LRRK2: variants seen among roughly 807,000 people sequenced by gnomAD.
The protein encoded by LRRK2 is leucine-rich repeat serine/threonine-protein kinase 2.
Under a neutral mutation model 302.6 loss-of-function variants are expected in LRRK2, and 203 were observed. The observed-to-expected ratio is 0.67, with a 90% confidence interval of 0.60 to 0.75. The LOEUF (loss-of-function observed/expected upper bound fraction) is 0.75. Among genes scored for constraint, LRRK2 ranks in the 30% least tolerant of loss-of-function variants. LRRK2 has a pLI of 0.00. For missense variants in LRRK2, 2,830 were observed against 2,951.0 expected (o/e 0.96, Z 0.95); for synonymous variants, 1,066 against 1,031.9 (o/e 1.03, Z -0.63).
rs1223884010 is a variant in LRRK2 at position 40,278,151 on chromosome 12, G to T, written c.2131G>T (p.Val711Leu). 2.5e-6 allele frequency: 4 copies of T among 1,613,992 alleles called. No homozygotes were observed. Among genetic ancestry groups the T allele is most frequent in the African/African-American group, 1.3e-5 (1 of 74,918 alleles). The change falls in exon 18 of 51, where the codon GTG becomes TTG. Residue 711 changes from valine (V) to leucine (L), a missense_variant. This residue lies in a region of LRRK2 where 2,121 missense variants were observed against 2,148.0 expected (regional missense o/e 0.99). Transcript: ENST00000298910. ...AGCTATGGATGATTACTTAAAAAATGTGATGCTAGAGAGAGCGTGTGATCA... is the reference window on the plus strand; with the variant it reads ...AGCTATGGATGATTACTTAAAAAATTTGATGCTAGAGAGAGCGTGTGATCA... Reference protein sequence around the residue: ...KVAMDDYLKNVMLERACDQNN... With the variant: ...KVAMDDYLKNLMLERACDQNN...
At chr12:40,305,175 C>G (rs1342875287) in intron 27 of LRRK2, among the ~76,000 whole-genome samples, 1 of 152,032 alleles carries the variant, frequency 6.6e-6, no homozygotes, top group Non-Finnish European at 1.5e-5. Context: ...TAGCGTATTG[C>G]CTACAAAAAC....
rs1199156580 is a variant in LRRK2 at position 40,335,060 on chromosome 12, T to C, written c.5851T>C (p.Ser1951Pro). 11 of 1,614,136 alleles carry C rather than the reference T, an allele frequency of 6.8e-6. No individual in the cohort carries two copies. The highest frequency in any genetic ancestry group is 7.6e-6 in the Non-Finnish European group (9 of 1,180,000). ...CCGGATGTTGGTGATGGAGTTAGCC[T>C]CCAAGGGTTCCTTGGATCGCCTGCT... ...RPRMLVMELA[S>P]KGSLDRLLQQ... The change falls in exon 40 of 51, where the codon TCC becomes CCC. Residue 1951 changes from serine to proline, a missense_variant. Ser to Pro is a moderately conservative substitution (Grantham distance 74). This residue lies in a region of LRRK2 where 253 missense variants were observed against 346.7 expected (regional missense o/e 0.73). Transcript: ENST00000298910.
chr12:40,278,120 A>G lies in LRRK2; in HGVS notation c.2100A>G (p.Ala700=). 6.2e-7 allele frequency: 1 copy of G among 1,614,128 alleles called. No homozygotes were observed. Among genetic ancestry groups the G allele is most frequent in the Non-Finnish European group, 8.5e-7 (1 of 1,179,996 alleles). The part of the protein sequence containing the change: ...QFLNLCCKCF[A]KVAMDDYLKN... ...TAAACCTCTGTTGCAAGTGTTTTGC[A>G]AAAGTAGCTATGGATGATTACTTAA... The change falls in exon 18 of 51, where the codon GCA becomes GCG. Residue 700 remains alanine (A), a synonymous_variant. Transcript: ENST00000298910.
At chr12:40,267,839 C>T (rs976589947) in intron 14 of LRRK2, among the ~76,000 whole-genome samples, 1 of 152,104 alleles carries the variant, frequency 6.6e-6, no homozygotes, top group Non-Finnish European at 1.5e-5. Context: ...GATTGCATGT[C>T]TTACTCTGAA....
intron 22 of LRRK2, 80 bp from the exon 23 acceptor site, chr12:40,295,347 G>A: frequency 1.5e-6 from 2 of 1,300,118 alleles, no homozygotes; most frequent in East Asian, 2.3e-5. Context: ...CTGATTGCTA[G>A]GAGGTGCTCA....
rs757601645 is a variant in LRRK2, at chr12:40,354,415, T to C, written c.6693T>C (p.Asp2231=). 5 of 1,614,132 alleles carry C rather than the reference T, an allele frequency of 3.1e-6. No homozygotes were observed. The highest frequency in any genetic ancestry group is 3.3e-5 in the Admixed American group (2 of 60,022). Residue 2231 remains aspartate (D), a synonymous_variant, in exon 45 of 51, where the codon GAT becomes GAC. Transcript: ENST00000298910. The part of the protein sequence containing the change: ...SGTLLVINTE[D]GKKRHTLEKM... ...CTCTCCTGGTCATCAATACCGAAGATGGGAAAAAGAGACATACCCTAGAAA... is the reference window on the plus strand; with the variant it reads ...CTCTCCTGGTCATCAATACCGAAGACGGGAAAAAGAGACATACCCTAGAAA...
chr12:40,326,383 A>G (rs186952974), intron 38 of LRRK2, among the ~76,000 whole-genome samples: 76 of 150,778 alleles, frequency 5.0e-4, no homozygotes, highest in Middle Eastern at 6.8e-3. Flanking sequence ...GGAAAATGGC[A>G]TGAACCTGGG....
At chr12:40,326,741 A>C (rs1210305060) in intron 38 of LRRK2, among the ~76,000 whole-genome samples, 2 of 152,086 alleles carry the variant, frequency 1.3e-5, no homozygotes, top group Non-Finnish European at 1.5e-5. Flanking sequence ...CCAGTATGTA[A>C]CAGTTCCCTC....
intron 4 of LRRK2, among the ~76,000 whole-genome samples, chr12:40,237,500 T>C (rs1271797902): frequency 6.6e-6 from 1 of 152,032 alleles, no homozygotes; most frequent in African/African-American, 2.4e-5. Context: ...ATGAATTGAT[T>C]TGTTGCTTGG....
chr12:40,269,114 A>G (rs1943134910), intron 14 of LRRK2, among the ~76,000 whole-genome samples: 1 of 152,200 alleles, frequency 6.6e-6, no homozygotes, highest in African/African-American at 2.4e-5. Flanking sequence ...AATATCTATC[A>G]AAATTAAAAT....
At chr12:40,315,379 TA>T in intron 33 of LRRK2, 79 bp downstream of exon 33, 1 of 1,246,438 alleles carries the variant, frequency 8.0e-7, no homozygotes, top group Non-Finnish European at 1.2e-6. Context: ...TTGAGCATTT[TA>T]GAATTTGGGT....
Position 40,321,020 on chromosome 12 carries a change from C to A in LRRK2, c.5016-14C>A, listed in dbSNP as rs1945385125. 1.9e-6 allele frequency: 3 copies of A among 1,612,166 alleles called. No homozygotes were observed. The highest frequency in any genetic ancestry group is 2.5e-6 in the Non-Finnish European group (3 of 1,178,570). ...TTGTGAGGCTGTATAACCATAGTGT[C>A]CTTTTGCCTTTAGTTTGTCTGACCA... On this transcript the variant is annotated splice_polypyrimidine_tract_variant and intron_variant, in intron 34 of 50. Coordinates refer to ENST00000298910, the MANE Select transcript of LRRK2 (RefSeq NM_198578.4).
intron 48 of LRRK2, 90 bp from the exon 49 acceptor site, chr12:40,364,752 A>G: frequency 9.2e-7 from 1 of 1,084,808 alleles, no homozygotes; most frequent in Non-Finnish European, 1.4e-6. Context: ...ATGTTTTAAT[A>G]ATTTAAAATG....
chr12:40,353,089 GC>G (rs978251671), intron 44 of LRRK2, among the ~76,000 whole-genome samples: 2 of 148,818 alleles, frequency 1.3e-5, no homozygotes, highest in African/African-American at 5.0e-5. Context: ...GGCGGGGGCT[GC>G]CCCCCACCTC....
At chr12:40,241,927 T>C (rs1941739255) in intron 6 of LRRK2, among the ~76,000 whole-genome samples, 1 of 152,198 alleles carries the variant, frequency 6.6e-6, no homozygotes, top group African/African-American at 2.4e-5. Context: ...TGGTTTTACA[T>C]TTCTCTGAGA....
intron 25 of LRRK2, among the ~76,000 whole-genome samples, chr12:40,301,726 G>A (rs1243372351): frequency 6.6e-6 from 1 of 152,040 alleles, no homozygotes; most frequent in Non-Finnish European, 1.5e-5. Flanking sequence ...TCCTAGAAAC[G>A]GTAGATTTGT....
chr12:40,307,852 G>T (rs903080289), intron 28 of LRRK2, among the ~76,000 whole-genome samples: 2 of 144,466 alleles, frequency 1.4e-5, no homozygotes, highest in African/African-American at 5.1e-5. Context: ...CCTGATCTTG[G>T]CTCACTGCAA....
chr12:40,347,448 TAACA>T (rs1946220148), intron 42 of LRRK2, among the ~76,000 whole-genome samples: 4 of 152,234 alleles, frequency 2.6e-5, no homozygotes, highest in African/African-American at 7.2e-5. Context: ...CACCACAAAA[TAACA>T]TTTTAAGTTT....
At chr12:40,366,271 T>C (rs928268508) in intron 49 of LRRK2, 1 of 151,896 alleles carries the variant, frequency 6.6e-6, no homozygotes, top group African/African-American at 2.4e-5. Context: ...CATAGCTTTT[T>C]TTCATGCTTA....
Sources: allele counts gnomAD v4.1 joint callset (sites outside exome capture counted in the v4.1 genomes callset), GRCh38; gene constraint gnomAD v4.1.1; regional missense constraint gnomAD v4.1.1; transcripts MANE v1.5; gene names NCBI Gene and HGNC (gene_info 2026-07-23, HGNC 2026-07-21).